DLG2: variants seen among roughly 807,000 people sequenced by gnomAD.
DLG2 encodes discs large MAGUK scaffold protein 2.
In DLG2, 45 loss-of-function variants were observed where a neutral mutation model predicts 132.5. The observed-to-expected ratio is 0.34, with a 90% CI of 0.27 to 0.44. The LOEUF (loss-of-function observed/expected upper bound fraction) is 0.44. DLG2 is among the 20% of genes least tolerant of loss of function. The pLI is 1.00. For missense variants in DLG2, 1,045 were observed against 1,196.9 expected, an observed-to-expected ratio of 0.87 and a Z score of 1.87; for synonymous variants, 424 against 419.6, an observed-to-expected ratio of 1.01 and a Z score of -0.13.
chr11:85,484,625 A>C (rs1450518784), intron 3 of DLG2, among the ~76,000 whole-genome samples: 2 of 152,204 alleles, frequency 1.3e-5, no homozygotes, highest in Non-Finnish European at 2.9e-5. Flanking sequence ...TGGCCATCAG[A>C]GAAATGCAAA....
At position 84,064,327 on chromosome 11, in the gene DLG2, C is replaced by T. The variant is rs916547194; in HGVS notation, c.750-4843G>A. ...CCTTTGTGGGTATGGAGATTATGAGCGCTTTAAAAAGCACATTTCTACTTT... is the reference window on the plus strand; with the variant it reads ...CCTTTGTGGGTATGGAGATTATGAGTGCTTTAAAAAGCACATTTCTACTTT... On this transcript the variant is annotated intron_variant, in intron 10 of 27. Transcript: ENST00000376104. Among the ~76,000 whole-genome samples, 10 of 152,096 alleles carry T rather than the reference C, an allele frequency of 6.6e-5. 1 individual carries two copies. Among genetic ancestry groups the T allele is most frequent in the Admixed American group, 2.0e-4 (3 of 15,252 alleles).
At chr11:83,531,561 T>C (rs2095745306) in intron 21 of DLG2, among the ~76,000 whole-genome samples, 1 of 151,992 alleles carries the variant, frequency 6.6e-6, no homozygotes, top group African/African-American at 2.4e-5. Context: ...TGTAAAATGG[T>C]GCAACCACTT....
At chr11:84,368,199 T>C (rs1407996909) in intron 7 of DLG2, among the ~76,000 whole-genome samples, 1 of 152,190 alleles carries the variant, frequency 6.6e-6, no homozygotes, top group Non-Finnish European at 1.5e-5. Flanking sequence ...ACAGAAGGTT[T>C]GGTCAATTGT....
intron 3 of DLG2, among the ~76,000 whole-genome samples, chr11:85,497,358 C>A (rs2093691097): frequency 6.7e-6 from 1 of 150,072 alleles, no homozygotes. Context: ...TTGAAAAAAA[C>A]AAGGAGACAA....
At chr11:84,521,990 G>A (rs192314184) in intron 7 of DLG2, among the ~76,000 whole-genome samples, 44 of 151,706 alleles carry the variant, frequency 2.9e-4, no homozygotes, top group African/African-American at 8.7e-4. Context: ...ATGAAACCCC[G>A]TCTCTAGTCT....
intron 3 of DLG2, among the ~76,000 whole-genome samples, chr11:85,473,019 A>G (rs780297477): frequency 1.3e-5 from 2 of 152,178 alleles, no homozygotes; most frequent in Non-Finnish European, 2.9e-5. Context: ...GGCATCTCCA[A>G]GTTTTGGGGG....
At chr11:83,473,965 G>C (rs1211305753) in intron 22 of DLG2, among the ~76,000 whole-genome samples, 1 of 152,084 alleles carries the variant, frequency 6.6e-6, no homozygotes, top group African/African-American at 2.4e-5. Context: ...GCTGGAATGG[G>C]ATGGGGATAG....
chr11:84,525,442 C>A (rs968314958), intron 7 of DLG2, among the ~76,000 whole-genome samples: 9 of 152,034 alleles, frequency 5.9e-5, no homozygotes, highest in African/African-American at 2.2e-4. Context: ...TCTCTCTTTT[C>A]TACCTTCTAT....
chr11:84,075,476 G>A lies in DLG2; in HGVS notation c.750-15992C>T, dbSNP rs550720483. On this transcript the variant is annotated intron_variant, in intron 10 of 27. Transcript: ENST00000376104. ...TGAAGGAATGAGTGAATGAATAATA[G>A]TTCTTCCTAGTTAAGATTGGGTTGG... 6.6e-5 allele frequency among the ~76,000 whole-genome samples: 10 copies of A among 152,236 alleles called. 1 individual carries two copies. In the South Asian group the frequency reaches 1.0e-3, roughly 16 times the overall value.
intron 18 of DLG2, among the ~76,000 whole-genome samples, chr11:83,742,196 T>A (rs73511014): frequency 0.015 from 2,069 of 139,320 alleles, 56 homozygotes; most frequent in African/African-American, 0.056. Flanking sequence ...GAGAGTAAAT[T>A]TTACCACACT....
intron 8 of DLG2, among the ~76,000 whole-genome samples, chr11:84,167,912 C>T (rs1354697910): frequency 1.3e-5 from 2 of 152,212 alleles, no homozygotes; most frequent in African/African-American, 2.4e-5. Flanking sequence ...GAGATCCACC[C>T]ACCTTGGCCT....
intron 3 of DLG2, among the ~76,000 whole-genome samples, chr11:85,301,948 G>T (rs1230516573): frequency 6.6e-6 from 1 of 152,180 alleles, no homozygotes; most frequent in Non-Finnish European, 1.5e-5. Flanking sequence ...TTCTCTCTGT[G>T]TTATTATTTC....
chr11:83,863,687 A>C (rs2061817799), intron 16 of DLG2, among the ~76,000 whole-genome samples: 1 of 152,178 alleles, frequency 6.6e-6, no homozygotes, highest in Admixed American at 6.6e-5. Context: ...TATGTAGCAG[A>C]TATTAATCTC....
chr11:84,650,633 C>T (rs890483229), intron 6 of DLG2, among the ~76,000 whole-genome samples: 1 of 151,958 alleles, frequency 6.6e-6, no homozygotes, highest in African/African-American at 2.4e-5. Flanking sequence ...CAGATCTTGA[C>T]TTTGAAGTCA....
chr11:85,607,918 A>G (rs539375872), intron 2 of DLG2, among the ~76,000 whole-genome samples: 1 of 152,312 alleles, frequency 6.6e-6, no homozygotes, highest in South Asian at 2.1e-4. Flanking sequence ...CTAACAGAAG[A>G]ATGCTTAGGA....
intron 6 of DLG2, among the ~76,000 whole-genome samples, chr11:84,948,758 G>C (rs1242770861): frequency 6.6e-6 from 1 of 152,162 alleles, no homozygotes; most frequent in Non-Finnish European, 1.5e-5. Flanking sequence ...CTGCATGTCT[G>C]ATTGATTTGT....
intron 7 of DLG2, among the ~76,000 whole-genome samples, chr11:84,281,296 C>T (rs543024518): frequency 1.3e-5 from 2 of 152,014 alleles, no homozygotes; most frequent in Admixed American, 6.5e-5. Flanking sequence ...ATAAATCAGA[C>T]ATCATTAAAA....
chr11:85,146,702 C>T (rs184589389), intron 5 of DLG2, among the ~76,000 whole-genome samples: 7 of 152,284 alleles, frequency 4.6e-5, no homozygotes, highest in East Asian at 3.9e-4. Context: ...AGGGGTAACA[C>T]AAACACTTCC....
At chr11:85,056,347 A>C (rs1251037504) in intron 6 of DLG2, among the ~76,000 whole-genome samples, 2 of 152,222 alleles carry the variant, frequency 1.3e-5, no homozygotes, top group East Asian at 3.9e-4. Context: ...GAAAATTCAA[A>C]AACTAAAAAA....
Sources: allele counts gnomAD v4.1 joint callset (sites outside exome capture counted in the v4.1 genomes callset), GRCh38; gene constraint gnomAD v4.1.1; transcripts MANE v1.5; gene names NCBI Gene and HGNC (gene_info 2026-07-23, HGNC 2026-07-21).